TSPAN18: variants seen among roughly 807,000 people sequenced by gnomAD.
The protein encoded by TSPAN18 is tetraspanin-18.
A neutral mutation model predicts 27.3 loss-of-function variants in TSPAN18; 14 were observed. That is an observed-to-expected ratio of 0.51 (90% CI 0.34 to 0.80). TSPAN18 has a LOEUF of 0.80. TSPAN18 is among the 30% of genes least tolerant of loss of function. The pLI is 0.01. For missense variants in TSPAN18, 268 were observed against 323.9 expected (o/e 0.83, Z 1.32); for synonymous variants, 143 against 136.5 (o/e 1.05, Z -0.33).
At chr11:44,841,514 TAAA>T (rs11353014) in intron 2 of TSPAN18, among the ~76,000 whole-genome samples, 1 of 147,038 alleles carries the variant, frequency 6.8e-6, no homozygotes. Flanking sequence ...AAATTCCATC[TAAA>T]AAAAAAAAAA....
At chr11:44,895,655 A>G (rs182221317) in intron 3 of TSPAN18, among the ~76,000 whole-genome samples, 225 of 152,300 alleles carry the variant, frequency 1.5e-3, no homozygotes, top group African/African-American at 5.1e-3. Context: ...CAGCATTCAA[A>G]GGGGCTGGAG....
At chr11:44,857,867 G>A (rs997124194) in intron 2 of TSPAN18, among the ~76,000 whole-genome samples, 2 of 151,432 alleles carry the variant, frequency 1.3e-5, no homozygotes, top group Admixed American at 1.3e-4. Context: ...ACAGATGCAT[G>A]CCCACCCCCA....
intron 1 of TSPAN18, among the ~76,000 whole-genome samples, chr11:44,743,235 C>T (rs1590409611): frequency 1.3e-5 from 2 of 152,218 alleles, no homozygotes; most frequent in South Asian, 2.1e-4. Context: ...TGGTGATGGC[C>T]TTAAGCCATC....
intron 2 of TSPAN18, among the ~76,000 whole-genome samples, chr11:44,859,356 A>G (rs1436257807): frequency 1.3e-5 from 2 of 152,226 alleles, no homozygotes; most frequent in Non-Finnish European, 2.9e-5. Context: ...AGCAATTTCT[A>G]GACGCCAAAT....
chr11:44,908,755 A>AAAG (rs60797298), intron 4 of TSPAN18, among the ~76,000 whole-genome samples: 40,570 of 111,172 alleles, frequency 0.36, 11,530 homozygotes, highest in East Asian at 0.59. Flanking sequence ...AGAGAGAGAG[A>AAAG]GAGAGAGAGA....
intron 1 of TSPAN18, among the ~76,000 whole-genome samples, chr11:44,736,976 G>A (rs761039310): frequency 3.9e-5 from 6 of 152,194 alleles, no homozygotes; most frequent in Non-Finnish European, 7.3e-5. Context: ...GAGTGAGGGC[G>A]GAGATGTTTC....
At chr11:44,833,527 C>T (rs1293403195) in intron 2 of TSPAN18, among the ~76,000 whole-genome samples, 2 of 152,130 alleles carry the variant, frequency 1.3e-5, no homozygotes, top group Non-Finnish European at 2.9e-5. Flanking sequence ...AGCACTTTTC[C>T]CTGCTTAGAA....
chr11:44,747,822 G>A lies in TSPAN18; in HGVS notation c.-239-16604G>A, dbSNP rs369686832. 2.0e-5 allele frequency among the ~76,000 whole-genome samples: 3 copies of A among 152,094 alleles called. No individual in the cohort carries two copies. In the South Asian group the frequency reaches 6.2e-4, roughly 32 times the overall value. On this transcript the variant is annotated intron_variant, in intron 1 of 9. Coordinates refer to ENST00000520358, the MANE Select transcript of TSPAN18 (RefSeq NM_130783.5). ...TCAAAGTGCAGGTGGAACTTCCAGT[G>A]GCCCAAATACTTTTCCTTCTACCTC...
intron 2 of TSPAN18, among the ~76,000 whole-genome samples, chr11:44,829,007 C>T (rs945567354): frequency 6.6e-6 from 1 of 152,108 alleles, no homozygotes. Flanking sequence ...GTTTTAAAAA[C>T]GAATGTTTAT....
rs1860510211 is a variant in TSPAN18 at position 44,930,113 on chromosome 11, A to C, written c.*935A>C. ...GTGCACATCACATTCCCTTGTCCACACTGCCCGCCTCTCCCACATGCCACC... is the reference window on the plus strand; with the variant it reads ...GTGCACATCACATTCCCTTGTCCACCCTGCCCGCCTCTCCCACATGCCACC... On this transcript the variant is annotated 3_prime_UTR_variant, in exon 10 of 10. Coordinates refer to ENST00000520358, the MANE Select transcript of TSPAN18 (RefSeq NM_130783.5). The C allele has an allele frequency of 6.6e-6, 1 of 152,264 alleles. No homozygotes were observed. Among genetic ancestry groups the C allele is most frequent in the Non-Finnish European group, 1.5e-5 (1 of 68,190 alleles). 9.4% of individuals were successfully genotyped at this position (152,264 alleles called of 1,614,324 possible).
chr11:44,794,865 G>A (rs1856312685), intron 2 of TSPAN18, among the ~76,000 whole-genome samples: 1 of 152,176 alleles, frequency 6.6e-6, no homozygotes, highest in Non-Finnish European at 1.5e-5. Flanking sequence ...GAATGTATGT[G>A]ACTAACAGTG....
intron 3 of TSPAN18, among the ~76,000 whole-genome samples, chr11:44,864,554 C>T (rs949828319): frequency 5.3e-5 from 8 of 152,218 alleles, no homozygotes; most frequent in South Asian, 2.1e-4. Context: ...CCATGGCACC[C>T]GAAGCTTTGT....
At chr11:44,819,507 C>G (rs2135117877) in intron 2 of TSPAN18, among the ~76,000 whole-genome samples, 1 of 152,252 alleles carries the variant, frequency 6.6e-6, no homozygotes, top group Non-Finnish European at 1.5e-5. Flanking sequence ...CACATTTGCT[C>G]TCCAGGAGAA....
chr11:44,845,915 G>C (rs1857470488), intron 2 of TSPAN18, among the ~76,000 whole-genome samples: 1 of 152,228 alleles, frequency 6.6e-6, no homozygotes, highest in South Asian at 2.1e-4. Context: ...AGGGAAAAAT[G>C]GACTTCCAGT....
chr11:44,857,899 C>T (rs564871715), intron 2 of TSPAN18, among the ~76,000 whole-genome samples: 59 of 152,278 alleles, frequency 3.9e-4, no homozygotes, highest in African/African-American at 1.3e-3. Flanking sequence ...CAGTCATGTG[C>T]ACACATGGGT....
chr11:44,742,254 C>T (rs1467996762), intron 1 of TSPAN18, among the ~76,000 whole-genome samples: 1 of 147,734 alleles, frequency 6.8e-6, no homozygotes, highest in African/African-American at 2.4e-5. Flanking sequence ...CACCCCTCCC[C>T]TCCCCTTCCC....
At chr11:44,746,174 CG>C (rs1271992436) in intron 1 of TSPAN18, among the ~76,000 whole-genome samples, 1 of 152,168 alleles carries the variant, frequency 6.6e-6, no homozygotes, top group African/African-American at 2.4e-5. Flanking sequence ...AGCTGCCCCC[CG>C]TGGGTGGGGC....
intron 8 of TSPAN18, among the ~76,000 whole-genome samples, chr11:44,921,087 A>G (rs1265836865): frequency 1.3e-5 from 2 of 151,784 alleles, no homozygotes; most frequent in Non-Finnish European, 2.9e-5. Context: ...TGGCCCTGGC[A>G]CATCCCCATG....
At chr11:44,893,852 A>G (rs1358466235) in intron 3 of TSPAN18, among the ~76,000 whole-genome samples, 2 of 152,078 alleles carry the variant, frequency 1.3e-5, no homozygotes, top group Non-Finnish European at 2.9e-5. Context: ...TCCTCCCCAC[A>G]TGGCCTCCCT....
Sources: gnomAD v4.1 joint callset for allele counts (sites outside exome capture counted in the v4.1 genomes callset) on GRCh38, gnomAD v4.1.1 for gene constraint, MANE v1.5 for transcripts, NCBI Gene and HGNC (gene_info 2026-07-23, HGNC 2026-07-21) for gene names.